The following RBM19 variants were observed in gnomAD, a reference collection of about 807,000 sequenced individuals.
The protein encoded by RBM19 is RNA binding motif protein 19, also known as probable RNA-binding protein 19.
In RBM19, 94 loss-of-function variants were observed where a neutral mutation model predicts 116.8. The observed-to-expected ratio is 0.80, with a 90% CI of 0.68 to 0.95. The LOEUF is 0.95. Among genes scored for constraint, RBM19 ranks in the 40% least tolerant of loss-of-function variants. The pLI, the probability that RBM19 is intolerant of heterozygous loss-of-function variation, is 0.00. For synonymous variants in RBM19, 475 were observed against 494.1 expected (o/e 0.96, Z 0.51); for missense variants, 1,161 against 1,220.7 (o/e 0.95, Z 0.73).
chr12:113,911,056 G>T (rs1327482471), intron 21 of RBM19, among the ~76,000 whole-genome samples: 1 of 18,340 alleles, frequency 5.5e-5, no homozygotes, highest in Non-Finnish European at 8.9e-5. Context: ...GGTGGCGGTG[G>T]GGGGGGTGGG....
intron 21 of RBM19, among the ~76,000 whole-genome samples, chr12:113,890,345 G>A (rs1880876279): frequency 6.6e-6 from 1 of 152,116 alleles, no homozygotes. Flanking sequence ...TTTCCTCCCT[G>A]CCTTGCTCTC....
At chr12:113,884,146 T>C (rs1324907264) in intron 21 of RBM19, among the ~76,000 whole-genome samples, 2 of 143,100 alleles carry the variant, frequency 1.4e-5, no homozygotes, top group African/African-American at 2.6e-5. Context: ...TCGCCAGGCA[T>C]GGTGATGCAA....
intron 16 of RBM19, among the ~76,000 whole-genome samples, chr12:113,927,584 CAAAAAACAAAAAAA>C (rs1294841839): frequency 2.1e-4 from 15 of 72,356 alleles, no homozygotes; most frequent in South Asian, 5.8e-4. Context: ...TATTTTTCCT[CAAAAAACAAAAAAA>C]AAAAAACAAA....
chr12:113,927,611 A>C (rs1247440559), intron 16 of RBM19, among the ~76,000 whole-genome samples: 2 of 51,048 alleles, frequency 3.9e-5, no homozygotes, highest in African/African-American at 9.2e-5. Flanking sequence ...AAAACAAAAA[A>C]AAAAAAACCA....
chr12:113,956,496 AC>A (rs1475933011), intron 6 of RBM19, among the ~76,000 whole-genome samples: 1 of 147,664 alleles, frequency 6.8e-6, no homozygotes, highest in African/African-American at 2.5e-5. Flanking sequence ...CATGAGAATC[AC>A]TTGAACCCGG....
intron 21 of RBM19, among the ~76,000 whole-genome samples, chr12:113,901,453 TAG>T (rs1183778363): frequency 2.0e-5 from 3 of 152,264 alleles, no homozygotes; most frequent in South Asian, 4.2e-4. Context: ...AAGTTTCACA[TAG>T]AGAGTAAGCC....
intron 2 of RBM19, among the ~76,000 whole-genome samples, chr12:113,961,958 C>T (rs908312530): frequency 2.6e-5 from 4 of 152,240 alleles, no homozygotes; most frequent in Non-Finnish European, 5.9e-5. Context: ...CTCAGACCAG[C>T]AGCATGGTCG....
chr12:113,816,852 C>A (rs1204188704), exon 25 of RBM19: 2 of 152,170 alleles, frequency 1.3e-5, no homozygotes, highest in Non-Finnish European at 2.9e-5. Context: ...GCCGCTTTCA[C>A]AGGATGGGAG....
chr12:113,852,260 C>T (rs1165143087), intron 22 of RBM19, among the ~76,000 whole-genome samples: 1 of 152,106 alleles, frequency 6.6e-6, no homozygotes, highest in Admixed American at 6.5e-5. Flanking sequence ...GCAGGGGGGT[C>T]CGTCCTGGCA....
chr12:113,946,568 T>G, intron 11 of RBM19, 93 bp from the exon 12 acceptor site: 1 of 1,554,804 alleles, frequency 6.4e-7, no homozygotes, highest in Non-Finnish European at 8.8e-7. Flanking sequence ...ACGAGTAAGC[T>G]GGACCCAGCA....
At chr12:113,939,250 G>A (rs929425245) in intron 15 of RBM19, among the ~76,000 whole-genome samples, 5 of 152,066 alleles carry the variant, frequency 3.3e-5, no homozygotes, top group South Asian at 2.1e-4. Context: ...AGGCTGCAGC[G>A]AACCAAGATG....
At chr12:113,902,929 C>T (rs1374595058) in intron 21 of RBM19, among the ~76,000 whole-genome samples, 1 of 152,160 alleles carries the variant, frequency 6.6e-6, no homozygotes, top group Non-Finnish European at 1.5e-5. Context: ...ATATAGTTCA[C>T]CCATTTAAAG....
intron 21 of RBM19, among the ~76,000 whole-genome samples, chr12:113,910,987 T>C (rs1882391249): frequency 6.7e-6 from 1 of 150,132 alleles, no homozygotes; most frequent in African/African-American, 2.4e-5. Context: ...AAGAGGAAAA[T>C]AAACAACATG....
rs112735658 is a variant in RBM19, at chr12:113,844,540, A to C, written c.2785+128T>G. Reference sequence around the variant, plus strand: ...GAGGGGCTGTGGGAGGATGCCCAGCAGGAGGTGCTTGGCAGCCCTTGTGCC... The same window carrying C: ...GAGGGGCTGTGGGAGGATGCCCAGCCGGAGGTGCTTGGCAGCCCTTGTGCC... On this transcript the variant is annotated intron_variant, in intron 23 of 23. Coordinates refer to ENST00000261741, the MANE Select transcript of RBM19 (RefSeq NM_016196.4). 1.7e-3 allele frequency: 2,257 copies of C among 1,293,238 alleles called. 33 individuals carry two copies. The African/African-American group carries it at 0.027, about 16-fold the overall frequency. 80.1% of individuals were successfully genotyped at this position (1,293,238 alleles called of 1,614,324 possible). A position where few individuals can be genotyped will look rare whatever the true frequency, so the allele number is the denominator to read the frequency against.
rs199547848 is a variant in RBM19 at position 113,960,157 on chromosome 12, C to T, written c.241G>A (p.Gly81Arg). 78 of 1,613,688 alleles carry T rather than the reference C, an allele frequency of 4.8e-5. No individual in the cohort carries two copies. The highest frequency in any genetic ancestry group is 1.7e-4 in the Middle Eastern group (1 of 5,826). ...RITVEFCKSF[G>R]DPAKPRAWSK... ...CAGGCTCTGGGTTTGGCCGGGTCCCCGAATGACTTGCAGAACTCCACCTGT... is the reference window on the plus strand; with the variant it reads ...CAGGCTCTGGGTTTGGCCGGGTCCCTGAATGACTTGCAGAACTCCACCTGT... Residue 81 changes from glycine (G) to arginine (R), a missense_variant, in exon 3 of 24, where the codon GGG (glycine) becomes AGG (arginine). Transcript: ENST00000261741.
intron 23 of RBM19, among the ~76,000 whole-genome samples, chr12:113,837,246 TACACACACACACAC>T (rs34948952): frequency 1.6e-5 from 2 of 126,806 alleles, no homozygotes; most frequent in Non-Finnish European, 3.3e-5. Context: ...ATCCTCCTAA[TACACACACACACAC>T]ACACACACAC....
At chr12:113,909,443 C>G (rs932393855) in intron 21 of RBM19, among the ~76,000 whole-genome samples, 1 of 152,162 alleles carries the variant, frequency 6.6e-6, no homozygotes, top group Non-Finnish European at 1.5e-5. Flanking sequence ...GCGATTTTCT[C>G]TCAGGGGCCA....
chr12:113,837,180 C>A (rs1876025723), intron 23 of RBM19, among the ~76,000 whole-genome samples: 1 of 151,286 alleles, frequency 6.6e-6, no homozygotes, highest in Admixed American at 6.6e-5. Context: ...CACACACAGA[C>A]ACACACACAG....
At chr12:113,918,563 G>T in intron 19 of RBM19, 116 bp from the exon 20 acceptor site, 1 of 1,044,844 alleles carries the variant, frequency 9.6e-7, no homozygotes. Flanking sequence ...TGTTCCCCGG[G>T]GAGTGGGGCT....
Sources: gnomAD v4.1 joint callset for allele counts (sites outside exome capture counted in the v4.1 genomes callset) on GRCh38, gnomAD v4.1.1 for gene constraint, MANE v1.5 for transcripts, NCBI Gene and HGNC (gene_info 2026-07-23, HGNC 2026-07-21) for gene names.